MYRIP: variants seen among roughly 807,000 people sequenced by gnomAD.
MYRIP encodes the protein rab effector MyRIP.
MYRIP carries 49 observed loss-of-function variants against 98.0 expected under a neutral mutation model. The observed-to-expected ratio is 0.50, with a 90% confidence interval of 0.40 to 0.63. MYRIP has a LOEUF of 0.63. Ranked by LOEUF, MYRIP falls within the 30% of genes least tolerant of loss-of-function variation. MYRIP has a pLI of 0.00. For synonymous variants in MYRIP, 404 were observed against 409.5 expected (o/e 0.99, Z 0.16); for missense variants, 1,004 against 1,058.2 (o/e 0.95, Z 0.71).
intron 2 of MYRIP, among the ~76,000 whole-genome samples, chr3:39,910,603 T>G (rs1943997927): frequency 6.6e-6 from 1 of 152,230 alleles, no homozygotes. Context: ...ATTTCAAAGA[T>G]CAAGTATAAA....
intron 5 of MYRIP, among the ~76,000 whole-genome samples, chr3:40,163,678 A>G (rs954451209): frequency 6.6e-6 from 1 of 152,146 alleles, no homozygotes; most frequent in Admixed American, 6.5e-5. Context: ...TTAAACCAGC[A>G]GCTCCCCTAT....
intron 4 of MYRIP, among the ~76,000 whole-genome samples, chr3:40,159,812 C>T (rs1319341707): frequency 6.6e-6 from 1 of 152,226 alleles, no homozygotes; most frequent in African/African-American, 2.4e-5. Context: ...CTGCATTCTT[C>T]ACGTAGTTCT....
chr3:39,854,763 G>A (rs1363615425), intron 1 of MYRIP, among the ~76,000 whole-genome samples: 2 of 152,180 alleles, frequency 1.3e-5, no homozygotes, highest in African/African-American at 2.4e-5. Flanking sequence ...TCTCATTTGG[G>A]TAGACTATTT....
rs1382745970 is a variant in MYRIP, at chr3:40,212,181, TGTATGTGTATATACATATATATAC to T, written c.1905+2091_1905+2114del. On this transcript the variant is annotated intron_variant, in intron 11 of 16. Transcript: ENST00000302541. ...GTATATATATATACATATATATACGTGTATGTGTATATACATATATATACGTGTGTGTATATATATATATACACA... is the reference window on the plus strand; with the variant it reads ...GTATATATATATACATATATATACGTGTGTGTGTATATATATATATACACA... Among the ~76,000 whole-genome samples the T allele has an allele frequency of 1.7e-3, 16 of 9,182 alleles. 3 individuals are homozygous for T. In the East Asian group the frequency reaches 0.028, roughly 16 times the overall value. 6.0% of individuals were successfully genotyped at this position (9,182 alleles called of 152,430 possible). A position where few individuals can be genotyped will look rare whatever the true frequency, so the allele number is the denominator to read the frequency against.
chr3:40,021,241 C>T (rs1946989135), intron 2 of MYRIP, among the ~76,000 whole-genome samples: 1 of 152,032 alleles, frequency 6.6e-6, no homozygotes. Flanking sequence ...GTTCACTATA[C>T]AGTAATAAGG....
In MYRIP at chr3:40,044,291, C is replaced by T; in HGVS notation, c.332+20C>T. On this transcript the variant is annotated intron_variant, in intron 3 of 16. Transcript: ENST00000302541. Reference sequence around the variant, plus strand: ...AGCGAGGTGAGTGGCTGGTGCATTCCCAGGGTCTACACTGTTGATTTAGAG... The same window carrying T: ...AGCGAGGTGAGTGGCTGGTGCATTCTCAGGGTCTACACTGTTGATTTAGAG... 1 of 1,608,820 alleles carries T rather than the reference C, an allele frequency of 6.2e-7. No individual in the cohort carries two copies. Among genetic ancestry groups the T allele is most frequent in the Admixed American group, 1.7e-5 (1 of 60,002 alleles).
In MYRIP at chr3:39,885,606, C is replaced by T. The variant is rs190374285; in HGVS notation, c.-30-15181C>T. ...CCGCAGAGTGTTTTCCAACTTGGTT[C>T]CATTCTCCCCGTCGCTTTCAGGTAC... On this transcript the variant is annotated intron_variant, in intron 1 of 16. Coordinates refer to ENST00000302541, the MANE Select transcript of MYRIP (RefSeq NM_015460.4). Among the ~76,000 whole-genome samples, 1,192 of 151,040 alleles carry T rather than the reference C, an allele frequency of 7.9e-3. 19 individuals carry two copies. Among genetic ancestry groups the T allele is most frequent in the African/African-American group, 0.027 (1,090 of 40,540 alleles).
At chr3:40,000,348 G>T (rs1336966107) in intron 2 of MYRIP, among the ~76,000 whole-genome samples, 1 of 152,120 alleles carries the variant, frequency 6.6e-6, no homozygotes, top group Admixed American at 6.5e-5. Context: ...ATCAGCATTT[G>T]CCTCCAGCAG....
At position 40,204,175 on chromosome 3, in the gene MYRIP, TATTATATA is replaced by T. The variant is rs1370110841; in HGVS notation, c.1666-5676_1666-5669del. 1.4e-4 allele frequency among the ~76,000 whole-genome samples: 8 copies of T among 57,806 alleles called. 1 individual carries two copies. Among genetic ancestry groups the T allele is most frequent in the Non-Finnish European group, 2.6e-4 (8 of 31,304 alleles). 37.9% of individuals were successfully genotyped at this position (57,806 alleles called of 152,430 possible). A position where few individuals can be genotyped will look rare whatever the true frequency, so the allele number is the denominator to read the frequency against. Reference sequence around the variant, plus strand: ...ATAAATATATAATATAATATTTATATATTATATAATATATAAATATTATATTATATATT... The same window carrying T: ...ATAAATATATAATATAATATTTATATATATATAAATATTATATTATATATT... On this transcript the variant is annotated intron_variant, in intron 10 of 16. Coordinates refer to ENST00000302541, the MANE Select transcript of MYRIP (RefSeq NM_015460.4).
At chr3:39,901,209 T>A (rs1943733426) in intron 2 of MYRIP, among the ~76,000 whole-genome samples, 1 of 152,224 alleles carries the variant, frequency 6.6e-6, no homozygotes, top group East Asian at 1.9e-4. Flanking sequence ...GCCTTGAGCT[T>A]CCTCTTGGCC....
At position 40,023,051 on chromosome 3, in the gene MYRIP, C is replaced by T. The variant is rs79116820; in HGVS notation, c.111-20999C>T. Among the ~76,000 whole-genome samples the T allele has an allele frequency of 5.3e-3, 814 of 152,188 alleles. 1 individual carries two copies. Among genetic ancestry groups the T allele is most frequent in the Non-Finnish European group, 8.8e-3 (597 of 68,014 alleles). ...TTATGACACACATATGGATTACACTCCTCGATGGGGGAATATAGAACAAGG... is the reference window on the plus strand; with the variant it reads ...TTATGACACACATATGGATTACACTTCTCGATGGGGGAATATAGAACAAGG... On this transcript the variant is annotated intron_variant, in intron 2 of 16. Coordinates refer to ENST00000302541, the MANE Select transcript of MYRIP (RefSeq NM_015460.4).
intron 2 of MYRIP, among the ~76,000 whole-genome samples, chr3:39,959,587 G>T (rs1356003933): frequency 6.6e-6 from 1 of 151,780 alleles, no homozygotes; most frequent in Non-Finnish European, 1.5e-5. Flanking sequence ...ACGAGTTAAT[G>T]GGTGCAGCAC....
intron 2 of MYRIP, among the ~76,000 whole-genome samples, chr3:39,915,153 A>G (rs1944122298): frequency 6.6e-6 from 1 of 152,124 alleles, no homozygotes; most frequent in African/African-American, 2.4e-5. Flanking sequence ...TACTAGACAG[A>G]CAATTCAATC....
intron 3 of MYRIP, among the ~76,000 whole-genome samples, chr3:40,108,957 C>T (rs1486392397): frequency 6.6e-6 from 1 of 152,198 alleles, no homozygotes; most frequent in Non-Finnish European, 1.5e-5. Flanking sequence ...TCCCCTGCCC[C>T]AATCACCCCA....
intron 3 of MYRIP, among the ~76,000 whole-genome samples, chr3:40,067,838 A>T (rs1948153256): frequency 6.6e-6 from 1 of 152,202 alleles, no homozygotes; most frequent in Non-Finnish European, 1.5e-5. Context: ...CCATGATCCT[A>T]TCACCTTGAT....
chr3:39,834,451 A>G (rs1243104666), intron 1 of MYRIP, among the ~76,000 whole-genome samples: 2 of 152,200 alleles, frequency 1.3e-5, no homozygotes, highest in African/African-American at 4.8e-5. Flanking sequence ...AATGTTTCTA[A>G]TATTGGAAGC....
At chr3:40,031,505 C>A (rs1947260161) in intron 2 of MYRIP, among the ~76,000 whole-genome samples, 1 of 152,194 alleles carries the variant, frequency 6.6e-6, no homozygotes, top group South Asian at 2.1e-4. Context: ...CTTTGCAAGA[C>A]AAGGCAGCTG....
At chr3:39,872,138 CT>C (rs1171401702) in intron 1 of MYRIP, among the ~76,000 whole-genome samples, 1 of 151,720 alleles carries the variant, frequency 6.6e-6, no homozygotes, top group Admixed American at 6.6e-5. Flanking sequence ...CTTTTTTCTC[CT>C]AATGTGAATA....
intron 2 of MYRIP, among the ~76,000 whole-genome samples, chr3:39,922,265 G>A (rs921296820): frequency 6.6e-6 from 1 of 152,284 alleles, no homozygotes; most frequent in East Asian, 1.9e-4. Flanking sequence ...ACTAGGAAAA[G>A]GGCAGCCAAA....
Sources: gnomAD v4.1 joint callset for allele counts (sites outside exome capture counted in the v4.1 genomes callset) on GRCh38, gnomAD v4.1.1 for gene constraint, MANE v1.5 for transcripts, NCBI Gene and HGNC (gene_info 2026-07-23, HGNC 2026-07-21) for gene names.